EGLN3: variants seen among roughly 807,000 people sequenced by gnomAD.
EGLN3 encodes prolyl hydroxylase EGLN3.
In EGLN3, 15 loss-of-function variants were observed where a neutral mutation model predicts 26.0. The observed-to-expected ratio is 0.58, with a 90% CI of 0.39 to 0.89. The LOEUF is 0.89. EGLN3 is among the 40% of genes least tolerant of loss of function. The pLI is 0.00. For missense variants in EGLN3, 238 were observed against 311.6 expected (o/e 0.76, Z 1.78); for synonymous variants, 147 against 127.2 (o/e 1.16, Z -1.05).
intron 1 of EGLN3, among the ~76,000 whole-genome samples, chr14:33,933,479 A>G (rs2064418910): frequency 6.6e-6 from 1 of 152,184 alleles, no homozygotes; most frequent in African/African-American, 2.4e-5. Flanking sequence ...AGGCAAAGAG[A>G]TAATTTTTCT....
intron 1 of EGLN3, among the ~76,000 whole-genome samples, chr14:33,933,203 CAAG>C (rs1322130146): frequency 6.6e-6 from 1 of 151,064 alleles, no homozygotes; most frequent in Non-Finnish European, 1.5e-5. Flanking sequence ...GTCAAAGGCC[CAAG>C]AAGATCTAAG....
Position 33,950,925 on chromosome 14 carries a change from T to G in EGLN3, c.-173A>C, listed in dbSNP as rs1021692886. On this transcript the variant is annotated 5_prime_UTR_variant, in exon 1 of 5. Coordinates refer to ENST00000250457, the MANE Select transcript of EGLN3 (RefSeq NM_022073.4). ...GACAAGGGAAAGTTTCTCGCAACTC[T>G]CGGGAGAAGGGATCTGCCTTCGGGA... 4.8e-5 allele frequency: 31 copies of G among 647,280 alleles called. 1 individual carries two copies. The highest frequency in any genetic ancestry group is 8.1e-5 in the Non-Finnish European group (30 of 368,988). The allele number at this position is 647,280 out of a possible 1,614,324, so 40.1% of individuals were successfully genotyped here.
Position 33,950,805 on chromosome 14 carries a change from C to A in EGLN3, c.-53G>T. Reference sequence around the variant, plus strand: ...CCCCAGCGTGCAACCAGAGAGGGAACGATCTACACGAGCGCGAAGCCGAGG... The same window carrying A: ...CCCCAGCGTGCAACCAGAGAGGGAAAGATCTACACGAGCGCGAAGCCGAGG... On this transcript the variant is annotated 5_prime_UTR_variant, in exon 1 of 5. Transcript: ENST00000250457. 8.1e-7 allele frequency: 1 copy of A among 1,232,092 alleles called. No individual in the cohort carries two copies. The highest frequency in any genetic ancestry group is 2.9e-5 in the Admixed American group (1 of 34,926). The allele number at this position is 1,232,092 out of a possible 1,614,324, so 76.3% of individuals were successfully genotyped here.
intron 1 of EGLN3, among the ~76,000 whole-genome samples, chr14:33,938,594 C>T (rs1046120048): frequency 6.6e-6 from 1 of 152,326 alleles, no homozygotes; most frequent in Middle Eastern, 3.4e-3. Context: ...CCATCTCTAC[C>T]CCAGTCACCA....
At chr14:33,929,256 A>C (rs1019126119) in intron 2 of EGLN3, 44 bp from the exon 3 acceptor site, 23 of 1,606,570 alleles carry the variant, frequency 1.4e-5, no homozygotes, top group Admixed American at 6.7e-5. Flanking sequence ...CCTCTCATGT[A>C]GTTTATCAAC....
intron 2 of EGLN3, among the ~76,000 whole-genome samples, chr14:33,930,252 A>G (rs2064392774): frequency 6.6e-6 from 1 of 152,324 alleles, no homozygotes; most frequent in East Asian, 1.9e-4. Context: ...TCAAGATTTT[A>G]AAGGAGACTT....
intron 3 of EGLN3, 43 bp downstream of exon 3, chr14:33,929,033 G>A: frequency 6.2e-7 from 1 of 1,606,492 alleles, no homozygotes. Flanking sequence ...ACTAGGGTTT[G>A]TACACCAAGC....
rs117894499 is a variant in EGLN3 at position 33,931,387 on chromosome 14, C to T, written c.358-172G>A. On this transcript the variant is annotated intron_variant, in intron 1 of 4. Coordinates refer to ENST00000250457, the MANE Select transcript of EGLN3 (RefSeq NM_022073.4). ...ACATAAATTTGGACTCTTCTGTGCA[C>T]AATGGCCAGGTCATACTATGGCTCT... 9.3e-3 allele frequency: 8,112 copies of T among 872,432 alleles called. 62 individuals are homozygous for T. Among genetic ancestry groups the T allele is most frequent in the Middle Eastern group, 0.016 (55 of 3,422 alleles). 54.0% of individuals were successfully genotyped at this position (872,432 alleles called of 1,614,324 possible).
At chr14:33,938,580 T>C (rs2064458569) in intron 1 of EGLN3, among the ~76,000 whole-genome samples, 2 of 152,016 alleles carry the variant, frequency 1.3e-5, no homozygotes, top group Non-Finnish European at 2.9e-5. Flanking sequence ...ACCATCCCCC[T>C]CCCCCATCTC....
At chr14:33,927,870 C>A (rs1379477207) in intron 3 of EGLN3, among the ~76,000 whole-genome samples, 8 of 152,066 alleles carry the variant, frequency 5.3e-5, no homozygotes, top group African/African-American at 1.9e-4. Flanking sequence ...TAATAATGCC[C>A]CAGAGCTTTC....
intron 1 of EGLN3, among the ~76,000 whole-genome samples, chr14:33,943,988 T>C (rs889397551): frequency 2.0e-5 from 3 of 152,174 alleles, no homozygotes; most frequent in African/African-American, 7.2e-5. Flanking sequence ...CTTAAGGGTG[T>C]TTATCAATTT....
intron 3 of EGLN3, among the ~76,000 whole-genome samples, chr14:33,928,773 GGAAA>G (rs1398840838): frequency 1.3e-5 from 2 of 152,088 alleles, no homozygotes; most frequent in African/African-American, 2.4e-5. Context: ...TTAAAAAAAG[GGAAA>G]GAGAGATAAG....
At chr14:33,931,574 C>A (rs1350787640) in intron 1 of EGLN3, among the ~76,000 whole-genome samples, 2 of 152,196 alleles carry the variant, frequency 1.3e-5, no homozygotes, top group East Asian at 3.8e-4. Flanking sequence ...GTTTCCCATG[C>A]TACAAAATCA....
chr14:33,930,120 G>A (rs189641605), intron 2 of EGLN3, among the ~76,000 whole-genome samples: 64 of 152,198 alleles, frequency 4.2e-4, no homozygotes, highest in African/African-American at 1.4e-3. Flanking sequence ...ACACATCAAT[G>A]TTTCTTCATA....
At chr14:33,941,273 G>T (rs899838970) in intron 1 of EGLN3, among the ~76,000 whole-genome samples, 3 of 152,110 alleles carry the variant, frequency 2.0e-5, no homozygotes, top group Non-Finnish European at 4.4e-5. Flanking sequence ...CTTGCCAGGG[G>T]CTGAGCTAGG....
Position 33,925,639 on chromosome 14 carries a change from T to C in EGLN3, c.*252A>G. On this transcript the variant is annotated 3_prime_UTR_variant, in exon 5 of 5. Transcript: ENST00000250457. ...TTACCGAATCTATCAGGTAAACCGC[T>C]GGCCGAGTAGGATGTCTGCAGGAAT... 1.9e-6 allele frequency: 1 copy of C among 522,018 alleles called. No individual in the cohort carries two copies. 32.3% of individuals were successfully genotyped at this position (522,018 alleles called of 1,614,324 possible). A position where few individuals can be genotyped will look rare whatever the true frequency, so the allele number is the denominator to read the frequency against.
At chr14:33,932,677 CA>C (rs2064412990) in intron 1 of EGLN3, among the ~76,000 whole-genome samples, 1 of 152,170 alleles carries the variant, frequency 6.6e-6, no homozygotes, top group Non-Finnish European at 1.5e-5. Flanking sequence ...CTTTGAACAT[CA>C]AAATGTCAAT....
Position 33,931,196 on chromosome 14 carries a change from G to A in EGLN3, c.377C>T (p.Pro126Leu), listed in dbSNP as rs368325852. Residue 126 changes from proline (P) to leucine (L), a missense_variant, in exon 2 of 5, where the codon CCG becomes CTG. Transcript: ENST00000250457. ...GCGAACATAACCTGTTCCATTTCCC[G>A]GATAGCAAGCCACCATTGCCTATGG... ...ERSKAMVACY[P>L]GNGTGYVRHV... is the part of the protein sequence containing the mutation. 6 of 1,614,012 alleles carry A rather than the reference G, an allele frequency of 3.7e-6. No homozygotes were observed. Among genetic ancestry groups the A allele is most frequent in the Non-Finnish European group, 3.4e-6 (4 of 1,180,018 alleles).
intron 1 of EGLN3, among the ~76,000 whole-genome samples, chr14:33,939,271 C>T (rs909519121): frequency 7.9e-5 from 12 of 151,514 alleles, no homozygotes; most frequent in African/African-American, 2.9e-4. Context: ...AGTGCACTGG[C>T]GCGATCTCGG....
Sources: allele counts gnomAD v4.1 joint callset (sites outside exome capture counted in the v4.1 genomes callset), GRCh38; gene constraint gnomAD v4.1.1; transcripts MANE v1.5; gene names NCBI Gene and HGNC (gene_info 2026-07-23, HGNC 2026-07-21).